CCDC171: variants seen among roughly 807,000 people sequenced by gnomAD.
The protein encoded by CCDC171 is coiled-coil domain-containing protein 171.
Under a neutral mutation model 168.2 loss-of-function variants are expected in CCDC171, and 177 were observed. That is an observed-to-expected ratio of 1.05 (90% CI 0.93 to 1.19). The LOEUF (loss-of-function observed/expected upper bound fraction) is 1.19. Among genes scored for constraint, CCDC171 ranks in the 50% most tolerant of loss-of-function variants. The pLI is 0.00. For missense variants in CCDC171, 1,991 were observed against 1,539.0 expected, an observed-to-expected ratio of 1.29 and a Z score of -4.91; for synonymous variants, 687 against 540.8, an observed-to-expected ratio of 1.27 and a Z score of -3.75.
At chr9:15,840,633 G>A (rs1033611067) in intron 21 of CCDC171, among the ~76,000 whole-genome samples, 10 of 152,060 alleles carry the variant, frequency 6.6e-5, no homozygotes, top group African/African-American at 2.4e-4. Context: ...AACTCAGTTT[G>A]CTTTATACTC....
intron 24 of CCDC171, chr9:15,887,709 A>C (rs542497185): frequency 1.3e-5 from 2 of 152,202 alleles, no homozygotes; most frequent in Non-Finnish European, 2.9e-5. Flanking sequence ...ATAAAAATGA[A>C]AAATTAAATA....
chr9:15,645,430 G>A (rs1169777203), intron 7 of CCDC171, among the ~76,000 whole-genome samples: 2 of 152,004 alleles, frequency 1.3e-5, no homozygotes, highest in East Asian at 1.9e-4. Context: ...TTAGATGATC[G>A]GTAATAACAA....
intron 21 of CCDC171, among the ~76,000 whole-genome samples, chr9:15,795,452 A>T (rs1432593728): frequency 6.6e-6 from 1 of 152,182 alleles, no homozygotes; most frequent in African/African-American, 2.4e-5. Context: ...AAAATATAAC[A>T]TGAATTTTGG....
At chr9:15,595,427 C>A (rs533303200) in intron 6 of CCDC171, among the ~76,000 whole-genome samples, 18 of 152,196 alleles carry the variant, frequency 1.2e-4, no homozygotes, top group African/African-American at 4.3e-4. Flanking sequence ...CGATAGTTTG[C>A]TGAGAATGAT....
At chr9:15,646,529 T>C (rs1320335719) in intron 7 of CCDC171, among the ~76,000 whole-genome samples, 3 of 152,168 alleles carry the variant, frequency 2.0e-5, no homozygotes, top group African/African-American at 7.2e-5. Context: ...GAGACACACA[T>C]AGCCTTAAAA....
Position 15,655,322 on chromosome 9 carries a change from T to C in CCDC171, c.823-1805T>C, listed in dbSNP as rs780196519. ...CCTATTGAACTACCCCATTGACAGATAGGACTCTAGGCATGGCTTTTCTTT... is the reference window on the plus strand; with the variant it reads ...CCTATTGAACTACCCCATTGACAGACAGGACTCTAGGCATGGCTTTTCTTT... On this transcript the variant is annotated intron_variant, in intron 7 of 25. Coordinates refer to ENST00000380701, the MANE Select transcript of CCDC171 (RefSeq NM_173550.4). Among the ~76,000 whole-genome samples, 54 of 152,286 alleles carry C rather than the reference T, an allele frequency of 3.5e-4. 1 individual carries two copies. In the South Asian group the frequency reaches 3.7e-3, roughly 11 times the overall value.
At chr9:15,605,316 C>G (rs866861914) in intron 6 of CCDC171, among the ~76,000 whole-genome samples, 5 of 151,924 alleles carry the variant, frequency 3.3e-5, no homozygotes, top group Admixed American at 6.6e-5. Flanking sequence ...TTCTGGAAAA[C>G]TATGTACTGG....
chr9:15,941,194 A>C (rs980090334), intron 25 of CCDC171, among the ~76,000 whole-genome samples: 1 of 151,992 alleles, frequency 6.6e-6, no homozygotes, highest in African/African-American at 2.4e-5. Flanking sequence ...TCTATTTTTT[A>C]GAATAACAAA....
At chr9:15,937,822 G>A (rs1827273872) in intron 25 of CCDC171, among the ~76,000 whole-genome samples, 1 of 151,838 alleles carries the variant, frequency 6.6e-6, no homozygotes, top group Admixed American at 6.6e-5. Context: ...TTTTTCTACT[G>A]GGTAAACTCA....
In CCDC171 at chr9:15,971,985, CTG is replaced by C. The variant is rs1209271154; in HGVS notation, c.*151_*152del. 1.7e-6 allele frequency: 1 copy of C among 603,506 alleles called. No homozygotes were observed. The highest frequency in any genetic ancestry group is 2.8e-6 in the Non-Finnish European group (1 of 353,458). 37.4% of individuals were successfully genotyped at this position (603,506 alleles called of 1,614,324 possible). A position where few individuals can be genotyped will look rare whatever the true frequency, so the allele number is the denominator to read the frequency against. On this transcript the variant is annotated 3_prime_UTR_variant, in exon 26 of 26. Coordinates refer to ENST00000380701, the MANE Select transcript of CCDC171 (RefSeq NM_173550.4). ...GCTATCTTGATGTATTCTGGTAGCT[CTG>C]TCTCCTTGAATAAGGAAATAGCCAA...
chr9:15,598,112 T>C (rs1481125692), intron 6 of CCDC171, among the ~76,000 whole-genome samples: 1 of 152,176 alleles, frequency 6.6e-6, no homozygotes, highest in African/African-American at 2.4e-5. Flanking sequence ...CCTGGATTCA[T>C]TGATTTTTTG....
intron 9 of CCDC171, among the ~76,000 whole-genome samples, chr9:15,674,930 T>C (rs2049408323): frequency 1.3e-5 from 2 of 152,146 alleles, no homozygotes. Flanking sequence ...ACCTTCTGTC[T>C]CGTTGATCTG....
the CCDC171 span, among the ~76,000 whole-genome samples, chr9:16,098,220 A>G: frequency 1.1e-3 from 163 of 152,288 alleles, no homozygotes; most frequent in Non-Finnish European, 1.7e-3. Flanking sequence ...AAATGGGGCT[A>G]ATATTATTAC....
At chr9:15,963,372 T>A (rs892151048) in intron 25 of CCDC171, among the ~76,000 whole-genome samples, 5 of 152,296 alleles carry the variant, frequency 3.3e-5, no homozygotes, top group Non-Finnish European at 5.9e-5. Context: ...AAAGTTTTGT[T>A]TATCTATCTA....
At chr9:16,097,292 T>A in the CCDC171 span, among the ~76,000 whole-genome samples, 1 of 152,220 alleles carries the variant, frequency 6.6e-6, no homozygotes, top group Non-Finnish European at 1.5e-5. Context: ...TGCCTCACTG[T>A]ATTAAGACAC....
Position 15,623,502 on chromosome 9 carries a change from C to CACACACACACACACAG in CCDC171, c.822+94_822+95insCACACACACAGACACA, listed in dbSNP as rs1006558906. The CACACACACACACACAG allele has an allele frequency of 3.6e-4, 250 of 693,614 alleles. 1 individual carries two copies. In the African/African-American group the frequency reaches 4.2e-3, roughly 12 times the overall value. 43.0% of individuals were successfully genotyped at this position (693,614 alleles called of 1,614,324 possible). On this transcript the variant is annotated intron_variant, in intron 7 of 25. Coordinates refer to ENST00000380701, the MANE Select transcript of CCDC171 (RefSeq NM_173550.4). ...ACACACACACACACACACACACACA[C>CACACACACACACACAG]ACACATAAAACCCATTCCGTGATTT...
In CCDC171 at chr9:15,598,635, T is replaced by G. The variant is rs149370499; in HGVS notation, c.675+4463T>G. On this transcript the variant is annotated intron_variant, in intron 6 of 25. Coordinates refer to ENST00000380701, the MANE Select transcript of CCDC171 (RefSeq NM_173550.4). ...AAGAATTTGTATTCTGTTGATTTGG[T>G]GTGGAGAGTTCTGTAGATGTCTATT... 6.9e-3 allele frequency among the ~76,000 whole-genome samples: 1,050 copies of G among 152,228 alleles called. 11 individuals carry two copies. The highest frequency in any genetic ancestry group is 0.025 in the African/African-American group (1,020 of 41,536).
At chr9:15,691,533 A>G (rs1587983406) in intron 10 of CCDC171, among the ~76,000 whole-genome samples, 1 of 52,998 alleles carries the variant, frequency 1.9e-5, no homozygotes, top group Admixed American at 1.9e-4. Flanking sequence ...AAATACCTGT[A>G]AATATATGTT....
intron 3 of CCDC171, among the ~76,000 whole-genome samples, chr9:16,008,146 A>G (rs973930427): frequency 1.2e-4 from 19 of 152,114 alleles, no homozygotes; most frequent in African/African-American, 4.1e-4. Flanking sequence ...TTAATACTCC[A>G]TTGCTAAATC....
Sources: allele counts gnomAD v4.1 joint callset (sites outside exome capture counted in the v4.1 genomes callset), GRCh38; gene constraint gnomAD v4.1.1; transcripts MANE v1.5; gene names NCBI Gene and HGNC (gene_info 2026-07-23, HGNC 2026-07-21).